OPCML: variants seen among roughly 807,000 people sequenced by gnomAD.
The protein encoded by OPCML is opioid-binding protein/cell adhesion molecule.
A neutral mutation model predicts 37.8 loss-of-function variants in OPCML; 13 were observed. That is an observed-to-expected ratio of 0.34 (90% CI 0.22 to 0.55). OPCML has a LOEUF of 0.55. Among genes scored for constraint, OPCML ranks in the 20% least tolerant of loss-of-function variants. The pLI is 0.91. For missense variants in OPCML, 341 were observed against 435.6 expected (o/e 0.78, Z 1.93); for synonymous variants, 176 against 168.8 (o/e 1.04, Z -0.33).
intron 1 of OPCML, among the ~76,000 whole-genome samples, chr11:133,098,357 A>AG (rs1565446148): frequency 6.6e-6 from 1 of 151,760 alleles, no homozygotes; most frequent in Admixed American, 6.6e-5. Flanking sequence ...CTGGGACTAC[A>AG]GGCGCCCGCC....
chr11:132,552,779 T>TTTTTTTTTTTTTA (rs1436200909), intron 3 of OPCML, among the ~76,000 whole-genome samples: 1 of 145,936 alleles, frequency 6.9e-6, no homozygotes, highest in African/African-American at 2.6e-5. Flanking sequence ...TTTTTTTTTT[T>TTTTTTTTTTTTTA]GAGACCGAGT....
At chr11:132,521,112 T>G (rs2096292244) in intron 4 of OPCML, among the ~76,000 whole-genome samples, 2 of 152,210 alleles carry the variant, frequency 1.3e-5, no homozygotes, top group Non-Finnish European at 1.5e-5. Context: ...GATTTTGATT[T>G]GCATTTCTCT....
chr11:132,635,074 G>T (rs548973634), intron 3 of OPCML, among the ~76,000 whole-genome samples: 2 of 152,176 alleles, frequency 1.3e-5, no homozygotes, highest in East Asian at 1.9e-4. Context: ...ACTGTGAGAC[G>T]GTAACACTGC....
At chr11:132,717,662 C>T (rs1339898170) in intron 2 of OPCML, among the ~76,000 whole-genome samples, 1 of 151,954 alleles carries the variant, frequency 6.6e-6, no homozygotes, top group Non-Finnish European at 1.5e-5. Flanking sequence ...TTTCCCTTAT[C>T]CGAAACAAAC....
At chr11:132,920,496 T>A (rs1299275995) in intron 2 of OPCML, among the ~76,000 whole-genome samples, 2 of 152,182 alleles carry the variant, frequency 1.3e-5, no homozygotes, top group Admixed American at 6.5e-5. Context: ...GTGCTCTGGG[T>A]GCTGTCTTGG....
At chr11:133,023,178 T>C (rs894913367) in intron 1 of OPCML, among the ~76,000 whole-genome samples, 3 of 152,188 alleles carry the variant, frequency 2.0e-5, no homozygotes, top group African/African-American at 4.8e-5. Flanking sequence ...CCTTCAAACA[T>C]TGGTGAGTGT....
chr11:132,535,073 A>G (rs1161297966), intron 3 of OPCML, among the ~76,000 whole-genome samples: 4 of 148,510 alleles, frequency 2.7e-5, no homozygotes, highest in Non-Finnish European at 5.9e-5. Flanking sequence ...GGTATAATAT[A>G]TTGTATATTA....
Position 133,005,042 on chromosome 11 carries a change from G to A in OPCML, c.62-62032C>T, listed in dbSNP as rs117641004. ...CTCAGCATTGGTGGCAGCCGTGAGA[G>A]CCTGGGAAGCTTTCATGAATGCCAC... On this transcript the variant is annotated intron_variant, in intron 1 of 7. Transcript: ENST00000524381. 2,962 of 985,306 alleles carry A rather than the reference G, an allele frequency of 3.0e-3. 6 individuals are homozygous for A. Among genetic ancestry groups the A allele is most frequent in the Non-Finnish European group, 3.2e-3 (2,691 of 829,916 alleles). The allele number at this position is 985,306 out of a possible 1,614,324, so 61.0% of individuals were successfully genotyped here.
chr11:132,602,354 A>C (rs768305616), intron 3 of OPCML, among the ~76,000 whole-genome samples: 1 of 152,184 alleles, frequency 6.6e-6, no homozygotes, highest in Admixed American at 6.5e-5. Flanking sequence ...TCCCAAACCT[A>C]TAGATTGTTA....
At chr11:132,686,882 A>G (rs1943182566) in intron 2 of OPCML, among the ~76,000 whole-genome samples, 2 of 152,180 alleles carry the variant, frequency 1.3e-5, no homozygotes, top group Non-Finnish European at 2.9e-5. Flanking sequence ...GATGGATATC[A>G]AAGAGAAAAG....
chr11:132,503,263 G>A (rs1037123218), intron 4 of OPCML, among the ~76,000 whole-genome samples: 2 of 152,112 alleles, frequency 1.3e-5, no homozygotes, highest in Non-Finnish European at 1.5e-5. Flanking sequence ...CAGGAAAATT[G>A]CTACCCTATC....
intron 2 of OPCML, among the ~76,000 whole-genome samples, chr11:132,917,351 T>C (rs1944641417): frequency 6.6e-6 from 1 of 152,212 alleles, no homozygotes; most frequent in South Asian, 2.1e-4. Flanking sequence ...TGTTAATTAA[T>C]ATCTATTGAT....
intron 2 of OPCML, among the ~76,000 whole-genome samples, chr11:132,887,171 T>C (rs1036104738): frequency 5.9e-5 from 9 of 152,186 alleles, no homozygotes; most frequent in Non-Finnish European, 1.3e-4. Context: ...TTTTACCTCA[T>C]CTATGTTTAG....
intron 4 of OPCML, among the ~76,000 whole-genome samples, chr11:132,480,477 T>A (rs2096175750): frequency 6.6e-6 from 1 of 152,128 alleles, no homozygotes; most frequent in African/African-American, 2.4e-5. Flanking sequence ...TTCCCCAATC[T>A]AGCAAGGCAG....
intron 1 of OPCML, among the ~76,000 whole-genome samples, chr11:132,960,759 G>A (rs1458991105): frequency 2.6e-5 from 4 of 152,158 alleles, no homozygotes; most frequent in African/African-American, 9.7e-5. Flanking sequence ...GGCAATGTGC[G>A]CATTTCATTC....
chr11:133,287,258 T>C (rs1466027902), intron 1 of OPCML, among the ~76,000 whole-genome samples: 2 of 132,416 alleles, frequency 1.5e-5, no homozygotes, highest in Non-Finnish European at 3.1e-5. Context: ...TTTTTAATTC[T>C]TTTTCTTTCT....
At chr11:133,530,593 C>T (rs1391129003) in intron 1 of OPCML, among the ~76,000 whole-genome samples, 1 of 152,232 alleles carries the variant, frequency 6.6e-6, no homozygotes, top group Non-Finnish European at 1.5e-5. Flanking sequence ...CTGAGTGTTC[C>T]GTTGGCTCTG....
chr11:132,987,694 G>C (rs1946705093), intron 1 of OPCML, among the ~76,000 whole-genome samples: 1 of 152,156 alleles, frequency 6.6e-6, no homozygotes, highest in Non-Finnish European at 1.5e-5. Context: ...AATGGATATG[G>C]AGAGAAATGA....
intron 1 of OPCML, among the ~76,000 whole-genome samples, chr11:133,344,631 A>T (rs952618085): frequency 6.6e-6 from 1 of 152,132 alleles, no homozygotes; most frequent in Non-Finnish European, 1.5e-5. Context: ...CCCACCTCCT[A>T]CTTCTCTCTT....
Sources: gnomAD v4.1 joint callset for allele counts (sites outside exome capture counted in the v4.1 genomes callset) on GRCh38, gnomAD v4.1.1 for gene constraint, MANE v1.5 for transcripts, NCBI Gene and HGNC (gene_info 2026-07-23, HGNC 2026-07-21) for gene names.